Variants in DCC observed in about 807,000 individuals in gnomAD.
DCC encodes the protein netrin receptor DCC.
In DCC, 58 loss-of-function variants were observed where a neutral mutation model predicts 172.5. The observed-to-expected ratio is 0.34, with a 90% CI of 0.27 to 0.42. DCC has a LOEUF of 0.42. DCC is among the 10% of genes least tolerant of loss of function. The probability of loss-of-function intolerance (pLI) is 1.00; values close to 1 mark genes in which losing one functional copy is unlikely to be tolerated. For synonymous variants in DCC, 709 were observed against 644.5 expected (o/e 1.10, Z -1.52); for missense variants, 1,740 against 1,791.0 (o/e 0.97, Z 0.51).
chr18:52,400,893 T>C (rs1247655942), intron 1 of DCC, among the ~76,000 whole-genome samples: 2 of 151,392 alleles, frequency 1.3e-5, no homozygotes, highest in Non-Finnish European at 2.9e-5. Context: ...AGTTGGACAG[T>C]GAGAACACAT....
intron 21 of DCC, among the ~76,000 whole-genome samples, chr18:53,418,517 A>G (rs936213852): frequency 6.6e-6 from 1 of 152,132 alleles, no homozygotes; most frequent in Non-Finnish European, 1.5e-5. Flanking sequence ...TCCCACTATT[A>G]CATTTATGAC....
intron 5 of DCC, among the ~76,000 whole-genome samples, chr18:53,058,228 A>G (rs1028965579): frequency 5.3e-5 from 8 of 152,140 alleles, no homozygotes; most frequent in African/African-American, 1.7e-4. Context: ...TCCTGTTTTA[A>G]TAGCAAGTAG....
intron 12 of DCC, among the ~76,000 whole-genome samples, chr18:53,237,833 G>A (rs924595966): frequency 2.0e-5 from 3 of 152,052 alleles, no homozygotes; most frequent in African/African-American, 7.2e-5. Flanking sequence ...CTGGCATTAA[G>A]CATTACTAGT....
chr18:53,450,066 T>G (rs8093031), intron 22 of DCC, among the ~76,000 whole-genome samples: 3 of 152,012 alleles, frequency 2.0e-5, no homozygotes, highest in Non-Finnish European at 2.9e-5. Context: ...CATATTATAG[T>G]AGGTATTAGT....
At chr18:53,400,593 T>C (rs1346382275) in intron 18 of DCC, among the ~76,000 whole-genome samples, 2 of 152,134 alleles carry the variant, frequency 1.3e-5, no homozygotes, top group African/African-American at 4.8e-5. Context: ...GTGAGGGCCA[T>C]ATTATTTTTC....
chr18:53,255,728 A>C (rs1598952097), intron 12 of DCC, among the ~76,000 whole-genome samples: 1 of 152,300 alleles, frequency 6.6e-6, no homozygotes, highest in East Asian at 1.9e-4. Flanking sequence ...GTATATACCC[A>C]GTAACGGGAT....
intron 5 of DCC, among the ~76,000 whole-genome samples, chr18:52,964,281 C>T (rs1256897588): frequency 2.0e-5 from 3 of 151,974 alleles, no homozygotes; most frequent in African/African-American, 7.3e-5. Context: ...AAATAGTTTA[C>T]CAACATTATA....
intron 1 of DCC, among the ~76,000 whole-genome samples, chr18:52,721,085 GA>G: frequency 6.6e-6 from 1 of 152,250 alleles, no homozygotes; most frequent in East Asian, 1.9e-4. Context: ...GATAATGTAG[GA>G]AAAATCTGGG....
chr18:53,163,496 A>G (rs561453803), intron 8 of DCC, among the ~76,000 whole-genome samples: 1 of 152,310 alleles, frequency 6.6e-6, no homozygotes, highest in South Asian at 2.1e-4. Context: ...GCTTGACACA[A>G]TACCTTTCTA....
chr18:53,521,368 T>C (rs2046396931), intron 27 of DCC, among the ~76,000 whole-genome samples: 1 of 152,128 alleles, frequency 6.6e-6, no homozygotes. Flanking sequence ...AGGAGTGTGG[T>C]TGATGCAGTA....
At chr18:53,322,529 T>A (rs2057423912) in intron 14 of DCC, among the ~76,000 whole-genome samples, 1 of 152,142 alleles carries the variant, frequency 6.6e-6, no homozygotes, top group Non-Finnish European at 1.5e-5. Context: ...AACTATATAA[T>A]ATAGCTTCTC....
intron 15 of DCC, among the ~76,000 whole-genome samples, chr18:53,379,320 G>A (rs1157809163): frequency 1.3e-5 from 2 of 152,280 alleles, no homozygotes; most frequent in East Asian, 1.9e-4. Flanking sequence ...TGAGGCCAGT[G>A]AGTGAAGTAT....
At chr18:52,475,060 T>A (rs1989054859) in intron 1 of DCC, among the ~76,000 whole-genome samples, 1 of 152,200 alleles carries the variant, frequency 6.6e-6, no homozygotes, top group Admixed American at 6.5e-5. Flanking sequence ...CATCATGATC[T>A]CAACTTCCTA....
intron 11 of DCC, among the ~76,000 whole-genome samples, chr18:53,214,048 A>G (rs967596537): frequency 6.6e-5 from 10 of 152,094 alleles, no homozygotes; most frequent in Non-Finnish European, 1.3e-4. Context: ...GTGATACAAC[A>G]TCAAAATGAA....
chr18:52,825,553 T>G (rs1026276263), intron 2 of DCC, among the ~76,000 whole-genome samples: 1 of 152,210 alleles, frequency 6.6e-6, no homozygotes, highest in African/African-American at 2.4e-5. Flanking sequence ...ACCTATTTTT[T>G]GTCTAAATCA....
chr18:52,958,737 T>C (rs1395742234), intron 5 of DCC, among the ~76,000 whole-genome samples: 1 of 151,988 alleles, frequency 6.6e-6, no homozygotes, highest in Admixed American at 6.6e-5. Flanking sequence ...GGAGGTGATA[T>C]ACTCAGCTGG....
rs570149157 is a variant in DCC at position 52,700,343 on chromosome 18, ACACT to A, written c.92-51703_92-51700del. Among the ~76,000 whole-genome samples the A allele has an allele frequency of 5.4e-3, 769 of 142,910 alleles. 5 individuals carry two copies. Among genetic ancestry groups the A allele is most frequent in the African/African-American group, 0.016 (622 of 39,894 alleles). The allele number at this position is 142,910 out of a possible 152,430, so 93.8% of individuals were successfully genotyped here. A position where few individuals can be genotyped will look rare whatever the true frequency, so the allele number is the denominator to read the frequency against. On this transcript the variant is annotated intron_variant, in intron 1 of 28. Coordinates refer to ENST00000442544, the MANE Select transcript of DCC (RefSeq NM_005215.4). Reference sequence around the variant, plus strand: ...ACACTCACGGAATGCACACCCATGCACACTCACTCACATGCACACACACACATGC... The same window carrying A: ...ACACTCACGGAATGCACACCCATGCACACTCACATGCACACACACACATGC...
At chr18:53,379,631 TTCTTG>T (rs1298655270) in intron 15 of DCC, among the ~76,000 whole-genome samples, 1 of 152,156 alleles carries the variant, frequency 6.6e-6, no homozygotes, top group African/African-American at 2.4e-5. Flanking sequence ...GATTACCCAT[TTCTTG>T]TCTTTTTCAA....
chr18:52,937,662 T>A (rs562812566), intron 5 of DCC, among the ~76,000 whole-genome samples: 67 of 151,880 alleles, frequency 4.4e-4, no homozygotes, highest in East Asian at 9.7e-4. Flanking sequence ...TTAAAAAAAA[T>A]TTTTTTGTAG....
Sources: gnomAD v4.1 joint callset for allele counts (sites outside exome capture counted in the v4.1 genomes callset) on GRCh38, gnomAD v4.1.1 for gene constraint, MANE v1.5 for transcripts, NCBI Gene and HGNC (gene_info 2026-07-23, HGNC 2026-07-21) for gene names.